The following DYNC2H1 variants were observed in gnomAD, a reference collection of about 807,000 sequenced individuals.
DYNC2H1 encodes dynein cytoplasmic 2 heavy chain 1, also known as cytoplasmic dynein 2 heavy chain 1.
Under a neutral mutation model 570.0 loss-of-function variants are expected in DYNC2H1, and 410 were observed. The observed-to-expected ratio is 0.72, with a 90% CI of 0.66 to 0.78. The LOEUF (loss-of-function observed/expected upper bound fraction) is 0.78. Ranked by LOEUF, DYNC2H1 falls within the 30% of genes least tolerant of loss-of-function variation. The probability of loss-of-function intolerance (pLI) is 0.00; values close to 1 mark genes in which losing one functional copy is unlikely to be tolerated. For missense variants in DYNC2H1, 4,865 were observed against 5,046.4 expected (o/e 0.96, Z 1.09); for synonymous variants, 1,688 against 1,677.6 (o/e 1.01, Z -0.15).
Position 103,125,352 on chromosome 11 carries a change from GA to G in DYNC2H1, c.1857+59del, listed in dbSNP as rs1858936881. ...ATTTGGAGTTCATTACGTTAAACTA[GA>G]ATATGCTAAAGGCTTTTTTTTTTTT... On this transcript the variant is annotated intron_variant, in intron 12 of 88. Transcript: ENST00000375735. 43 of 729,534 alleles carry G rather than the reference GA, an allele frequency of 5.9e-5. No homozygotes were observed. In the South Asian group the frequency reaches 9.0e-4, roughly 15 times the overall value. 45.2% of individuals were successfully genotyped at this position (729,534 alleles called of 1,614,324 possible). A position where few individuals can be genotyped will look rare whatever the true frequency, so the allele number is the denominator to read the frequency against.
chr11:103,330,160 A>G (rs1409999776), intron 82 of DYNC2H1, among the ~76,000 whole-genome samples: 2 of 152,234 alleles, frequency 1.3e-5, no homozygotes, highest in African/African-American at 4.8e-5. Context: ...ATGTGTAGAA[A>G]AAGTCCCACT....
chr11:103,318,527 G>A (rs1467686901), intron 80 of DYNC2H1, among the ~76,000 whole-genome samples: 1 of 152,074 alleles, frequency 6.6e-6, no homozygotes, highest in Admixed American at 6.6e-5. Flanking sequence ...GTAATTATAT[G>A]TATTTCTGTT....
intron 83 of DYNC2H1, among the ~76,000 whole-genome samples, chr11:103,373,891 G>C (rs1036340157): frequency 6.6e-6 from 1 of 152,072 alleles, no homozygotes; most frequent in Admixed American, 6.5e-5. Flanking sequence ...TATATTTACA[G>C]TTGCTACATC....
Position 103,109,860 on chromosome 11 carries a change from T to C in DYNC2H1, c.195+91T>C. 3.7e-6 allele frequency: 5 copies of C among 1,339,778 alleles called. No homozygotes were observed. In the South Asian group the frequency reaches 7.5e-5, roughly 20 times the overall value. 83.0% of individuals were successfully genotyped at this position (1,339,778 alleles called of 1,614,324 possible). A position where few individuals can be genotyped will look rare whatever the true frequency, so the allele number is the denominator to read the frequency against. Reference sequence around the variant, plus strand: ...GACGTCGGGTCACACTCTTTAGCTTTACCAACCAGATCCTTTTCAGGAACC... The same window carrying C: ...GACGTCGGGTCACACTCTTTAGCTTCACCAACCAGATCCTTTTCAGGAACC... On this transcript the variant is annotated intron_variant, in intron 1 of 88. Coordinates refer to ENST00000375735, the MANE Select transcript of DYNC2H1 (RefSeq NM_001377.3).
chr11:103,133,570 A>G lies in DYNC2H1; in HGVS notation c.1969A>G (p.Ser657Gly), dbSNP rs202046447. Residue 657 changes from serine (S) to glycine (G), a missense_variant, in exon 14 of 89, where the codon AGT (serine) becomes GGT (glycine). Ser to Gly is a moderately conservative substitution (Grantham distance 56). Around this residue, in one of 5 missense-constraint regions of DYNC2H1, gnomAD observed 1,936 missense variants for 1,962.1 expected, o/e 0.99. Transcript: ENST00000375735. The surrounding 1 kb of genome is among the most constrained non-coding windows in gnomAD (Gnocchi z 4.8). ...EQIIKNSKAG[S>G]GGKSQITWDN... ...TGTACCATAGAATTCAAAAGCAGGA[A>G]GTGGAGGGAAATCACAGATAACTTG... 6.2e-7 allele frequency: 1 copy of G among 1,608,416 alleles called. No individual in the cohort carries two copies. Among genetic ancestry groups the G allele is most frequent in the African/African-American group, 1.3e-5 (1 of 74,642 alleles).
chr11:103,182,567 A>G (rs762812861), intron 40 of DYNC2H1, among the ~76,000 whole-genome samples: 5 of 151,926 alleles, frequency 3.3e-5, no homozygotes, highest in African/African-American at 4.8e-5. Flanking sequence ...ACCACAATTT[A>G]GCAGGATGAA....
At position 103,299,696 on chromosome 11, in the gene DYNC2H1, T is replaced by C. The variant is rs1338189187; in HGVS notation, c.11096-3397T>C. Among the ~76,000 whole-genome samples the C allele has an allele frequency of 6.6e-6, 1 of 152,132 alleles. No homozygotes were observed. Among genetic ancestry groups the C allele is most frequent in the African/African-American group, 2.4e-5 (1 of 41,442 alleles). On this transcript the variant is annotated intron_variant, in intron 75 of 88. Transcript: ENST00000375735. The surrounding 1 kb of genome is among the most constrained non-coding windows in gnomAD (Gnocchi z 4.5). ...CTCCGCTTTCAAGGGGTCAATTGATTAGCTTGGCCCACCTGAATAACACAG... is the reference window on the plus strand; with the variant it reads ...CTCCGCTTTCAAGGGGTCAATTGATCAGCTTGGCCCACCTGAATAACACAG...
intron 83 of DYNC2H1, among the ~76,000 whole-genome samples, chr11:103,397,321 A>AC (rs1236844247): frequency 3.0e-4 from 46 of 151,758 alleles, no homozygotes; most frequent in African/African-American, 9.4e-4. Flanking sequence ...TAAAAAAAAA[A>AC]CCCTAGTAAT....
intron 83 of DYNC2H1, among the ~76,000 whole-genome samples, chr11:103,388,294 GCT>G (rs1209951725): frequency 2.6e-5 from 4 of 151,932 alleles, no homozygotes; most frequent in Non-Finnish European, 5.9e-5. Flanking sequence ...TCATGATTTG[GCT>G]CTCTGTTTGT....
chr11:103,311,692 A>G (rs923792801), intron 78 of DYNC2H1, among the ~76,000 whole-genome samples, 186 bp from the exon 79 acceptor site: 3 of 152,146 alleles, frequency 2.0e-5, no homozygotes, highest in African/African-American at 7.2e-5. Context: ...TATATTTGAG[A>G]TGAACTGTTA....
Position 103,203,823 on chromosome 11 carries a change from A to T in DYNC2H1, c.8311+47A>T, listed in dbSNP as rs1467287087. On this transcript the variant is annotated intron_variant, in intron 51 of 88. Transcript: ENST00000375735. The surrounding 1 kb of genome is among the most constrained non-coding windows in gnomAD (Gnocchi z 4.7). ...AATCAAATCAAACTGGTTTGTATGAAATATATATCATTTAATTTGCCTTAT... is the reference window on the plus strand; with the variant it reads ...AATCAAATCAAACTGGTTTGTATGATATATATATCATTTAATTTGCCTTAT... 6 of 1,262,580 alleles carry T rather than the reference A, an allele frequency of 4.8e-6. No individual in the cohort carries two copies. The South Asian group carries it at 6.8e-5, about 14-fold the overall frequency. 78.2% of individuals were successfully genotyped at this position (1,262,580 alleles called of 1,614,324 possible).
chr11:103,214,052 A>G (rs1352728316), intron 54 of DYNC2H1, among the ~76,000 whole-genome samples: 1 of 152,236 alleles, frequency 6.6e-6, no homozygotes, highest in Non-Finnish European at 1.5e-5. Context: ...GCATGTGGAT[A>G]TCCAATTTTC....
At chr11:103,365,135 T>C (rs920774912) in intron 83 of DYNC2H1, among the ~76,000 whole-genome samples, 1 of 151,424 alleles carries the variant, frequency 6.6e-6, no homozygotes, top group East Asian at 1.9e-4. Context: ...CCGAGGCGGG[T>C]GGGATAATCT....
intron 57 of DYNC2H1, among the ~76,000 whole-genome samples, chr11:103,221,445 G>A (rs768843682): frequency 1.4e-4 from 22 of 152,152 alleles, no homozygotes; most frequent in Admixed American, 6.6e-5. Flanking sequence ...GAACATATGA[G>A]TACCTAATAG....
At chr11:103,144,243 C>T (rs1359773289) in intron 18 of DYNC2H1, among the ~76,000 whole-genome samples, 1 of 152,180 alleles carries the variant, frequency 6.6e-6, no homozygotes, top group South Asian at 2.1e-4. Flanking sequence ...ATTTCTTTAG[C>T]TTTAAAATAT....
intron 83 of DYNC2H1, among the ~76,000 whole-genome samples, chr11:103,392,440 C>G (rs7949112): frequency 1.3e-5 from 2 of 152,340 alleles, no homozygotes; most frequent in Non-Finnish European, 2.9e-5. Flanking sequence ...TGACCCCTTG[C>G]GCTTACTGGG....
At chr11:103,174,477 A>G (rs962268741) in intron 36 of DYNC2H1, among the ~76,000 whole-genome samples, 1 of 152,160 alleles carries the variant, frequency 6.6e-6, no homozygotes, top group Non-Finnish European at 1.5e-5. Flanking sequence ...TGTAAAGTCC[A>G]CTTGTTCTTT....
chr11:103,153,606 C>T, intron 22 of DYNC2H1, 98 bp downstream of exon 22: 1 of 1,078,130 alleles, frequency 9.3e-7, no homozygotes, highest in Non-Finnish European at 1.3e-6. Context: ...GATAACTTTC[C>T]TCATAAACTT....
At chr11:103,389,014 C>A (rs1456201442) in intron 83 of DYNC2H1, among the ~76,000 whole-genome samples, 4 of 152,182 alleles carry the variant, frequency 2.6e-5, no homozygotes, top group Non-Finnish European at 4.4e-5. Flanking sequence ...ATGCTGGCCT[C>A]TTAAAATGAG....
Sources: allele counts gnomAD v4.1 joint callset (sites outside exome capture counted in the v4.1 genomes callset), GRCh38; gene constraint gnomAD v4.1.1; regional missense constraint gnomAD v4.1.1; non-coding constraint Gnocchi (gnomAD v3.1); transcripts MANE v1.5; gene names NCBI Gene and HGNC (gene_info 2026-07-23, HGNC 2026-07-21).